HTT: variants seen among roughly 807,000 people sequenced by gnomAD.
The protein encoded by HTT is huntingtin.
Under a neutral mutation model 362.3 loss-of-function variants are expected in HTT, and 104 were observed. That is an observed-to-expected ratio of 0.29 (90% CI 0.24 to 0.34). HTT has a LOEUF of 0.34. Among genes scored for constraint, HTT ranks in the 10% least tolerant of loss-of-function variants. HTT has a pLI of 1.00. For missense variants in HTT, 3,301 were observed against 3,928.6 expected (o/e 0.84, Z 4.27); for synonymous variants, 1,577 against 1,548.7 (o/e 1.02, Z -0.43).
intron 34 of HTT, among the ~76,000 whole-genome samples, 172 bp downstream of exon 34, chr4:3,177,559 C>T (rs991241527): frequency 6.6e-6 from 1 of 152,130 alleles, no homozygotes. Context: ...TAATGTATAT[C>T]TCAAGACTTG....
rs1224942391 is a variant in HTT, at chr4:3,218,857, C to T, written c.7242+905C>T. Reference sequence around the variant, plus strand: ...GCCGACCTGGCAGGGTGTGAGCCAGCAGGTGTAGGTCAGGGAGAATGGAGC... The same window carrying T: ...GCCGACCTGGCAGGGTGTGAGCCAGTAGGTGTAGGTCAGGGAGAATGGAGC... On this transcript the variant is annotated intron_variant, in intron 52 of 66. Transcript: ENST00000355072. The surrounding 1 kb of genome is among the most constrained non-coding windows in gnomAD (Gnocchi z 4.4). 6.6e-6 allele frequency among the ~76,000 whole-genome samples: 1 copy of T among 152,148 alleles called. No individual in the cohort carries two copies. Among genetic ancestry groups the T allele is most frequent in the Non-Finnish European group, 1.5e-5 (1 of 68,006 alleles).
At chr4:3,174,843 G>T (rs770417370) in intron 32 of HTT, 44 bp downstream of exon 32, 1 of 1,589,514 alleles carries the variant, frequency 6.3e-7, no homozygotes, top group Non-Finnish European at 8.6e-7. Context: ...GCGTGTCAGT[G>T]CTAGAGAGGA....
In HTT at chr4:3,222,466, G is replaced by A. The variant is rs1230025792; in HGVS notation, c.7449G>A (p.Glu2483=). The change falls in exon 54 of 67, where the codon GAG becomes GAA. Residue 2483 remains glutamate (E), a synonymous_variant. Coordinates refer to ENST00000355072, the MANE Select transcript of HTT (RefSeq NM_001388492.1). ...GVLVTQPLVM[E]QEESPPEEDT... is the part of the protein sequence containing the mutation. ...TGGTGACGCAGCCCCTCGTGATGGA[G>A]CAGGAGGAGAGCCCACCAGAAGTAA... is the stretch of plus-strand genomic sequence containing the variant. 1 of 1,614,084 alleles carries A rather than the reference G, an allele frequency of 6.2e-7. No homozygotes were observed. The highest frequency in any genetic ancestry group is 8.5e-7 in the Non-Finnish European group (1 of 1,179,978).
intron 39 of HTT, 52 bp downstream of exon 39, chr4:3,187,938 G>A (rs757848343): frequency 1.5e-5 from 16 of 1,090,476 alleles, no homozygotes; most frequent in Non-Finnish European, 1.9e-5. Context: ...GGGAAGTCAC[G>A]TGATGTTTCA....
chr4:3,165,279 A>C (rs1306346399), intron 29 of HTT, among the ~76,000 whole-genome samples: 1 of 152,202 alleles, frequency 6.6e-6, no homozygotes, highest in African/African-American at 2.4e-5. Flanking sequence ...GGATTTCTGC[A>C]GAGAGATCTG....
intron 26 of HTT, among the ~76,000 whole-genome samples, chr4:3,153,874 T>A (rs1303116969): frequency 6.6e-6 from 1 of 151,942 alleles, no homozygotes; most frequent in Non-Finnish European, 1.5e-5. Context: ...CAATGAAATA[T>A]GATTGCACCC....
At position 3,238,498 on chromosome 4, in the gene HTT, C is replaced by T. The variant is rs1721647846; in HGVS notation, c.8943C>T (p.Pro2981=). ...CEARVVARIL[P]QFLDDFFPPQ... is the part of the protein sequence containing the mutation. Reference sequence around the variant, plus strand: ...CCAGAGTGGTGGCCAGGATCCTGCCCCAGTTTCTAGACGACTTCTTCCCAC... The same window carrying T: ...CCAGAGTGGTGGCCAGGATCCTGCCTCAGTTTCTAGACGACTTCTTCCCAC... The change falls in exon 65 of 67, where the codon CCC becomes CCT. Residue 2981 remains proline, a synonymous_variant. Transcript: ENST00000355072. The T allele has an allele frequency of 1.2e-6, 2 of 1,613,288 alleles. No homozygotes were observed. The highest frequency in any genetic ancestry group is 1.7e-6 in the Non-Finnish European group (2 of 1,179,630).
chr4:3,217,179 C>G (rs1352428221), intron 51 of HTT, among the ~76,000 whole-genome samples: 1 of 152,182 alleles, frequency 6.6e-6, no homozygotes, highest in Non-Finnish European at 1.5e-5. Context: ...CTCACTGCCT[C>G]AACAAATCAT....
Position 3,087,038 on chromosome 4 carries a change from A to T in HTT, c.347+16A>T. ...AGTCTGTCAGGTAATTGCACTTTGA[A>T]CTGTCTAGAGAAAATAAGAACTTTG... On this transcript the variant is annotated intron_variant, in intron 2 of 66. Transcript: ENST00000355072. The T allele has an allele frequency of 7.0e-7, 1 of 1,433,486 alleles. No homozygotes were observed. The highest frequency in any genetic ancestry group is 9.8e-7 in the Non-Finnish European group (1 of 1,017,690). 88.8% of individuals were successfully genotyped at this position (1,433,486 alleles called of 1,614,324 possible). A position where few individuals can be genotyped will look rare whatever the true frequency, so the allele number is the denominator to read the frequency against.
intron 10 of HTT, 77 bp from the exon 11 acceptor site, chr4:3,125,472 T>C: frequency 1.2e-6 from 1 of 867,930 alleles, no homozygotes; most frequent in South Asian, 1.4e-5. Context: ...ATGAGTTTCA[T>C]TTTAGAGTGC....
chr4:3,109,995 C>G (rs1714665813), intron 6 of HTT, among the ~76,000 whole-genome samples: 1 of 152,188 alleles, frequency 6.6e-6, no homozygotes, highest in African/African-American at 2.4e-5. Flanking sequence ...CAGCCGCCCA[C>G]TTCTTGATTG....
At chr4:3,085,260 C>T (rs1713148901) in intron 1 of HTT, among the ~76,000 whole-genome samples, 2 of 151,958 alleles carry the variant, frequency 1.3e-5, no homozygotes, top group Non-Finnish European at 2.9e-5. Flanking sequence ...GCCGCAGCCT[C>T]CCGAGTAGCT....
chr4:3,154,963 T>G (rs1578544565), intron 27 of HTT, among the ~76,000 whole-genome samples: 1 of 152,134 alleles, frequency 6.6e-6, no homozygotes, highest in East Asian at 1.9e-4. Flanking sequence ...GGGGCTAGGA[T>G]TTAGGTGTGA....
rs1721054039 is a variant in HTT, at chr4:3,228,873, T to G, written c.7980-7T>G. 6.2e-7 allele frequency: 1 copy of G among 1,610,914 alleles called. No individual in the cohort carries two copies. Among genetic ancestry groups the G allele is most frequent in the Non-Finnish European group, 8.5e-7 (1 of 1,177,332 alleles). ...CTTGGAAAATACCCATCTCGCATAT[T>G]CCACAGGAAACACCGGGCTGGAGTT... On this transcript the variant is annotated splice_polypyrimidine_tract_variant and splice_region_variant and intron_variant, in intron 58 of 66. Transcript: ENST00000355072. This position sits in a 1 kb window ranked among gnomAD's most constrained non-coding sequence, Gnocchi z 4.3.
chr4:3,074,935 AACAGCC>A lies in HTT; in HGVS notation c.111_116del (p.Gln38_Pro39del). On this transcript the variant is annotated inframe_deletion, in exon 1 of 67. Coordinates refer to ENST00000355072, the MANE Select transcript of HTT (RefSeq NM_001388492.1). ...CAGCAGCAGCAGCAGCAGCAGCAGC[AACAGCC>A]GCCACCGCCGCCGCCGCCGCCGCCG... The A allele has an allele frequency of 1.6e-6, 2 of 1,242,510 alleles. No homozygotes were observed. The highest frequency in any genetic ancestry group is 2.1e-6 in the Non-Finnish European group (2 of 936,360). The allele number at this position is 1,242,510 out of a possible 1,614,324, so 77.0% of individuals were successfully genotyped here.
intron 34 of HTT, 76 bp from the exon 35 acceptor site, chr4:3,178,221 GA>G (rs1718330270): frequency 8.8e-7 from 1 of 1,137,374 alleles, no homozygotes; most frequent in East Asian, 2.4e-5. Flanking sequence ...GTTGAATCAT[GA>G]ATTATTTTAT....
At chr4:3,182,089 A>C (rs1004899654) in intron 36 of HTT, among the ~76,000 whole-genome samples, 1 of 152,224 alleles carries the variant, frequency 6.6e-6, no homozygotes, top group African/African-American at 2.4e-5. Context: ...CAAATTCTAT[A>C]CAAATAACAA....
Position 3,121,288 on chromosome 4 carries a change from C to T in HTT, c.1129C>T (p.Leu377=), listed in dbSNP as rs371255782. The change falls in exon 9 of 67, where the codon CTG becomes TTG. Residue 377 remains leucine (L), a synonymous_variant. Transcript: ENST00000355072. ...HQDHNVVTGA[L]ELLQQLFRTP... is the part of the protein sequence containing the mutation. ...AGACCACAATGTTGTGACCGGAGCC[C>T]TGGAGCTGTTGCAGCAGCTCTTCAG... 18 of 1,614,128 alleles carry T rather than the reference C, an allele frequency of 1.1e-5. No homozygotes were observed. In the South Asian group the frequency reaches 1.3e-4, roughly 12 times the overall value.
rs575067634 is a variant in HTT, at chr4:3,219,352, A to G, written c.7243-830A>G. 8.6e-4 allele frequency among the ~76,000 whole-genome samples: 131 copies of G among 152,276 alleles called. 1 individual carries two copies. Among genetic ancestry groups the G allele is most frequent in the African/African-American group, 3.0e-3 (124 of 41,544 alleles). ...AGAGCACACCTGAGGATAGGCCAGGACGGGCTGCACGCTGTAGGTAAAATT... is the reference window on the plus strand; with the variant it reads ...AGAGCACACCTGAGGATAGGCCAGGGCGGGCTGCACGCTGTAGGTAAAATT... On this transcript the variant is annotated intron_variant, in intron 52 of 66. Transcript: ENST00000355072.
Sources: gnomAD v4.1 joint callset for allele counts (sites outside exome capture counted in the v4.1 genomes callset) on GRCh38, gnomAD v4.1.1 for gene constraint, Gnocchi (gnomAD v3.1) non-coding constraint, MANE v1.5 for transcripts, NCBI Gene and HGNC (gene_info 2026-07-23, HGNC 2026-07-21) for gene names.